The following ANKS1A variants were observed in gnomAD, a reference collection of about 807,000 sequenced individuals.
ANKS1A encodes ankyrin repeat and SAM domain-containing protein 1A.
In ANKS1A, 55 loss-of-function variants were observed where a neutral mutation model predicts 120.3. That is an observed-to-expected ratio of 0.46 (90% CI 0.37 to 0.57). The LOEUF (loss-of-function observed/expected upper bound fraction) is 0.57, where lower values mean the gene tolerates loss of function less well. ANKS1A is among the 20% of genes least tolerant of loss of function. ANKS1A has a pLI of 0.00. For missense variants in ANKS1A, 1,123 were observed against 1,480.3 expected (o/e 0.76, Z 3.96); for synonymous variants, 590 against 604.7 (o/e 0.98, Z 0.36).
intron 10 of ANKS1A, among the ~76,000 whole-genome samples, chr6:34,995,319 G>A (rs991583072): frequency 1.3e-5 from 2 of 152,082 alleles, no homozygotes; most frequent in Admixed American, 6.5e-5. Flanking sequence ...TAATGGTCCT[G>A]TTTAAAAGGT....
chr6:35,083,049 A>T, intron 18 of ANKS1A, 106 bp from the exon 19 acceptor site: 1 of 1,419,542 alleles, frequency 7.0e-7, no homozygotes, highest in South Asian at 1.3e-5. Flanking sequence ...GGGTGTTGTT[A>T]TTGAGAGGGG....
chr6:35,041,093 A>G (rs1249757196), intron 11 of ANKS1A, among the ~76,000 whole-genome samples: 1 of 152,258 alleles, frequency 6.6e-6, no homozygotes, highest in Non-Finnish European at 1.5e-5. Context: ...GGGATGTTAT[A>G]AAGTTATGAG....
chr6:34,995,192 G>A (rs1772784323), intron 10 of ANKS1A, among the ~76,000 whole-genome samples: 1 of 152,180 alleles, frequency 6.6e-6, no homozygotes, highest in Non-Finnish European at 1.5e-5. Context: ...CATGGTTCAG[G>A]TAAGAACAGA....
At chr6:35,008,007 A>T (rs569635005) in intron 10 of ANKS1A, among the ~76,000 whole-genome samples, 1 of 152,254 alleles carries the variant, frequency 6.6e-6, no homozygotes, top group Admixed American at 6.5e-5. Context: ...TTCCGTCTGT[A>T]GTCCCACTTT....
chr6:34,995,660 C>T (rs377411177), intron 10 of ANKS1A, among the ~76,000 whole-genome samples: 1 of 152,194 alleles, frequency 6.6e-6, no homozygotes, highest in African/African-American at 2.4e-5. Context: ...TGGAATCATA[C>T]AATCTGTAGC....
intron 1 of ANKS1A, among the ~76,000 whole-genome samples, chr6:34,922,831 C>A (rs577911807): frequency 6.6e-6 from 1 of 151,948 alleles, no homozygotes; most frequent in African/African-American, 2.4e-5. Flanking sequence ...GTAGCTGGGA[C>A]TATAGGCATG....
At chr6:34,914,211 T>G (rs9368839) in intron 1 of ANKS1A, among the ~76,000 whole-genome samples, 11,896 of 131,478 alleles carry the variant, frequency 0.09, 718 homozygotes, top group East Asian at 0.38. Flanking sequence ...GTGAGCCACC[T>G]TACCCAGCCA....
At chr6:35,094,923 T>C (rs2127624032), downstream of ANKS1A, among the ~76,000 whole-genome samples, 1 of 152,226 alleles carries the variant, frequency 6.6e-6, no homozygotes, top group South Asian at 2.1e-4. Flanking sequence ...GAGAATTGCT[T>C]GAGTCCAGGA....
chr6:35,060,377 ACTG>A lies in ANKS1A; in HGVS notation c.2184+125_2184+127del. 1.3e-6 allele frequency: 1 copy of A among 782,010 alleles called. No individual in the cohort carries two copies. The highest frequency in any genetic ancestry group is 2.1e-6 in the Non-Finnish European group (1 of 484,758). 48.4% of individuals were successfully genotyped at this position (782,010 alleles called of 1,614,324 possible). ...TAGACCCAAATCCCAGGGAAAGCTC[ACTG>A]AGGTCACTCAGACACCAGGAAGTCA... On this transcript the variant is annotated intron_variant, in intron 13 of 23. Coordinates refer to ENST00000360359, the MANE Select transcript of ANKS1A (RefSeq NM_015245.3). This position sits in a 1 kb window ranked among gnomAD's most constrained non-coding sequence, Gnocchi z 4.5.
rs970129091 is a variant in ANKS1A, at chr6:35,082,919, G to A, written c.2835+103G>A. ...AGGGACTCCACAAAGCCAGGCCCAG[G>A]GCTTTTGAGCTGTTCTCCACTCTCA... On this transcript the variant is annotated intron_variant, in intron 18 of 23. Coordinates refer to ENST00000360359, the MANE Select transcript of ANKS1A (RefSeq NM_015245.3). The surrounding 1 kb of genome is among the most constrained non-coding windows in gnomAD (Gnocchi z 4.1). 4 of 1,523,532 alleles carry A rather than the reference G, an allele frequency of 2.6e-6. No homozygotes were observed. The East Asian group carries it at 9.2e-5, about 35-fold the overall frequency. The allele number at this position is 1,523,532 out of a possible 1,614,324, so 94.4% of individuals were successfully genotyped here. A position where few individuals can be genotyped will look rare whatever the true frequency, so the allele number is the denominator to read the frequency against.
chr6:35,084,107 G>GC lies in ANKS1A; in HGVS notation c.2995-13dup. 6.2e-7 allele frequency: 1 copy of GC among 1,613,930 alleles called. No individual in the cohort carries two copies. The highest frequency in any genetic ancestry group is 8.5e-7 in the Non-Finnish European group (1 of 1,179,878). On this transcript the variant is annotated splice_polypyrimidine_tract_variant and intron_variant, in intron 20 of 23. Transcript: ENST00000360359. The surrounding 1 kb of genome is among the most constrained non-coding windows in gnomAD (Gnocchi z 4.8). ...CTGAGCCTGAGAATTCCAGAACACG[G>GC]CTTTCCCCAGCAGAACGTCATTGCA...
At chr6:34,933,802 G>A (rs1769117626) in intron 1 of ANKS1A, among the ~76,000 whole-genome samples, 1 of 152,162 alleles carries the variant, frequency 6.6e-6, no homozygotes, top group African/African-American at 2.4e-5. Context: ...AATTGTCAGG[G>A]CTAATGCCTT....
At chr6:34,998,115 A>C (rs966392393) in intron 10 of ANKS1A, among the ~76,000 whole-genome samples, 1 of 152,204 alleles carries the variant, frequency 6.6e-6, no homozygotes, top group Non-Finnish European at 1.5e-5. Context: ...AGCCTTGCCT[A>C]TCCTGGCAGC....
At chr6:35,065,520 C>T (rs756242745) in intron 13 of ANKS1A, among the ~76,000 whole-genome samples, 3 of 152,238 alleles carry the variant, frequency 2.0e-5, no homozygotes, top group Non-Finnish European at 2.9e-5. Context: ...CTCAGCCAAA[C>T]CCCGCATTGC....
At chr6:35,017,054 C>A (rs1774053932) in intron 10 of ANKS1A, among the ~76,000 whole-genome samples, 1 of 151,534 alleles carries the variant, frequency 6.6e-6, no homozygotes, top group Non-Finnish European at 1.5e-5. Flanking sequence ...GTGGGTCTCC[C>A]TGCTCGCGCT....
intron 3 of ANKS1A, among the ~76,000 whole-genome samples, chr6:34,975,251 C>G (rs1226376624): frequency 6.6e-6 from 1 of 151,834 alleles, no homozygotes; most frequent in Non-Finnish European, 1.5e-5. Flanking sequence ...GTCAGGGATT[C>G]GAGACCAGCC....
At chr6:34,955,392 C>T (rs919956517) in intron 1 of ANKS1A, among the ~76,000 whole-genome samples, 1 of 152,224 alleles carries the variant, frequency 6.6e-6, no homozygotes, top group African/African-American at 2.4e-5. Flanking sequence ...CCACCTCAGC[C>T]TCCCAAAGTG....
At chr6:35,056,093 G>A (rs998252231) in intron 12 of ANKS1A, among the ~76,000 whole-genome samples, 8 of 152,210 alleles carry the variant, frequency 5.3e-5, no homozygotes, top group African/African-American at 9.7e-5. Flanking sequence ...CAAGGAGCAG[G>A]AGCCAAAATC....
the ANKS1A span, among the ~76,000 whole-genome samples, chr6:35,097,400 T>C: frequency 6.6e-6 from 1 of 151,756 alleles, no homozygotes; most frequent in Admixed American, 6.6e-5. Context: ...TCCCAGCTAC[T>C]TGGGAGGCTG....
Sources: allele counts gnomAD v4.1 joint callset (sites outside exome capture counted in the v4.1 genomes callset), GRCh38; gene constraint gnomAD v4.1.1; non-coding constraint Gnocchi (gnomAD v3.1); transcripts MANE v1.5; gene names NCBI Gene and HGNC (gene_info 2026-07-23, HGNC 2026-07-21).